The following ARFIP1 variants were observed in gnomAD, a reference collection of about 807,000 sequenced individuals.
The protein encoded by ARFIP1 is ARF interacting protein 1.
ARFIP1 carries 24 observed loss-of-function variants against 42.5 expected under a neutral mutation model. The observed-to-expected ratio is 0.57, with a 90% confidence interval of 0.41 to 0.80. ARFIP1 has a LOEUF of 0.80. Among genes scored for constraint, ARFIP1 ranks in the 30% least tolerant of loss-of-function variants. ARFIP1 has a pLI of 0.00. For synonymous variants in ARFIP1, 141 were observed against 153.7 expected (o/e 0.92, Z 0.61); for missense variants, 354 against 434.0 (o/e 0.82, Z 1.64).
chr4:152,867,797 GTC>G (rs1454888875), intron 3 of ARFIP1, among the ~76,000 whole-genome samples: 1 of 152,110 alleles, frequency 6.6e-6, no homozygotes, highest in Non-Finnish European at 1.5e-5. Flanking sequence ...AGTAATATAT[GTC>G]TCTCTGAACT....
intron 8 of ARFIP1, among the ~76,000 whole-genome samples, chr4:152,896,639 A>C (rs1737358323): frequency 6.6e-6 from 1 of 152,202 alleles, no homozygotes; most frequent in East Asian, 1.9e-4. Flanking sequence ...ACAGGAATGA[A>C]AATGAAACCT....
chr4:152,818,252 A>G (rs1730066477), intron 1 of ARFIP1, among the ~76,000 whole-genome samples: 2 of 152,224 alleles, frequency 1.3e-5, no homozygotes, highest in Admixed American at 1.3e-4. Context: ...AGCCTACACC[A>G]TGAACCCGAC....
At chr4:152,891,823 C>T (rs931790642) in intron 8 of ARFIP1, among the ~76,000 whole-genome samples, 2 of 152,090 alleles carry the variant, frequency 1.3e-5, no homozygotes, top group Non-Finnish European at 2.9e-5. Flanking sequence ...GTTCTCTTGC[C>T]TCAGCCTCTC....
chr4:152,828,042 C>T (rs898753451), intron 1 of ARFIP1, among the ~76,000 whole-genome samples: 2 of 152,222 alleles, frequency 1.3e-5, no homozygotes, highest in African/African-American at 4.8e-5. Flanking sequence ...AGCTTATTTA[C>T]GTTTAGTGCT....
At chr4:152,847,121 G>GTTTTTT (rs1561139273) in intron 2 of ARFIP1, among the ~76,000 whole-genome samples, 1 of 48,168 alleles carries the variant, frequency 2.1e-5, no homozygotes, top group Admixed American at 2.4e-4. Context: ...TTTTAGGTTT[G>GTTTTTT]TTCTTTTTTT....
At chr4:152,794,055 C>T (rs1731286753) in intron 1 of ARFIP1, among the ~76,000 whole-genome samples, 1 of 152,034 alleles carries the variant, frequency 6.6e-6, no homozygotes, top group African/African-American at 2.4e-5. Context: ...GGAAGAGCTG[C>T]AAAAATAGTA....
At chr4:152,850,616 T>G (rs1732903462) in intron 2 of ARFIP1, 1 of 152,182 alleles carries the variant, frequency 6.6e-6, no homozygotes, top group African/African-American at 2.4e-5. Context: ...ATTTCCTTGT[T>G]TTGAAATTCG....
chr4:152,850,352 A>G (rs1471754583), intron 2 of ARFIP1, among the ~76,000 whole-genome samples: 1 of 152,224 alleles, frequency 6.6e-6, no homozygotes, highest in Non-Finnish European at 1.5e-5. Context: ...GCAAAAGGTT[A>G]GAAACACCCA....
intron 3 of ARFIP1, 54 bp downstream of exon 3, chr4:152,863,768 A>C: frequency 9.2e-7 from 1 of 1,085,234 alleles, no homozygotes; most frequent in East Asian, 2.4e-5. Flanking sequence ...GGAGAAGTTC[A>C]CCAAATGCTA....
chr4:152,857,798 G>T (rs955581485), intron 2 of ARFIP1, among the ~76,000 whole-genome samples: 19 of 152,064 alleles, frequency 1.2e-4, no homozygotes, highest in Admixed American at 1.2e-3. Context: ...TTATTTACTT[G>T]TTTATTACTT....
chr4:152,825,415 C>T (rs1730752782), intron 1 of ARFIP1, among the ~76,000 whole-genome samples: 1 of 152,138 alleles, frequency 6.6e-6, no homozygotes, highest in African/African-American at 2.4e-5. Flanking sequence ...ACCAACTGAT[C>T]TTTGACAATG....
At chr4:152,870,379 G>A (rs573078463) in intron 3 of ARFIP1, among the ~76,000 whole-genome samples, 3 of 152,148 alleles carry the variant, frequency 2.0e-5, no homozygotes, top group African/African-American at 7.2e-5. Flanking sequence ...TTATATATGA[G>A]AGTAGCAAGT....
At chr4:152,887,748 T>C (rs1156301560) in intron 7 of ARFIP1, among the ~76,000 whole-genome samples, 1 of 152,106 alleles carries the variant, frequency 6.6e-6, no homozygotes, top group Admixed American at 6.6e-5. Flanking sequence ...CCGTTAGTTT[T>C]AGTATGCCAT....
At chr4:152,851,637 GTC>G (rs1732991542) in intron 2 of ARFIP1, among the ~76,000 whole-genome samples, 1 of 152,200 alleles carries the variant, frequency 6.6e-6, no homozygotes. Flanking sequence ...TTAGAAAACT[GTC>G]TCTGTCTAGT....
chr4:152,836,179 G>A (rs1288035206), intron 2 of ARFIP1, among the ~76,000 whole-genome samples: 1 of 152,180 alleles, frequency 6.6e-6, no homozygotes, highest in Non-Finnish European at 1.5e-5. Flanking sequence ...CAGTTGACGG[G>A]TAAGTTCTGG....
intron 8 of ARFIP1, among the ~76,000 whole-genome samples, chr4:152,894,803 C>A (rs1156566432): frequency 6.6e-6 from 1 of 152,156 alleles, no homozygotes; most frequent in Non-Finnish European, 1.5e-5. Flanking sequence ...TTGGCTGTGA[C>A]TGGTGCTCTC....
At chr4:152,808,358 C>T (rs1439396192) in intron 1 of ARFIP1, among the ~76,000 whole-genome samples, 3 of 117,480 alleles carry the variant, frequency 2.6e-5, no homozygotes, top group African/African-American at 9.8e-5. Flanking sequence ...TGTGGTAGTT[C>T]ATTGTATGAC....
chr4:152,896,681 G>T (rs1737361701), intron 8 of ARFIP1, among the ~76,000 whole-genome samples: 1 of 151,358 alleles, frequency 6.6e-6, no homozygotes, highest in South Asian at 2.1e-4. Context: ...CTTTAATTTT[G>T]AACCACATAT....
At chr4:152,829,449 T>G (rs924230898) in intron 1 of ARFIP1, among the ~76,000 whole-genome samples, 176 bp from the exon 2 acceptor site, 7 of 152,196 alleles carry the variant, frequency 4.6e-5, no homozygotes, top group African/African-American at 1.7e-4. Context: ...TTAAGTGAAG[T>G]TAAAGCAGCC....
Sources: gnomAD v4.1 joint callset for allele counts (sites outside exome capture counted in the v4.1 genomes callset) on GRCh38, gnomAD v4.1.1 for gene constraint, MANE v1.5 for transcripts, NCBI Gene and HGNC (gene_info 2026-07-23, HGNC 2026-07-21) for gene names.